PRELID2: variants seen among roughly 807,000 people sequenced by gnomAD.
PRELID2 encodes the protein PRELI domain containing 2, also known as PRELI domain-containing protein 2.
PRELID2 carries 25 observed loss-of-function variants against 28.4 expected under a neutral mutation model. That is an observed-to-expected ratio of 0.88 (90% CI 0.64 to 1.23). The LOEUF (loss-of-function observed/expected upper bound fraction) is 1.23. Ranked by LOEUF, PRELID2 falls within the 50% of genes most tolerant of loss-of-function variation. The pLI, the probability that PRELID2 is intolerant of heterozygous loss-of-function variation, is 0.00. For synonymous variants in PRELID2, 76 were observed against 71.6 expected, an observed-to-expected ratio of 1.06 and a Z score of -0.31; for missense variants, 201 against 214.4, an observed-to-expected ratio of 0.94 and a Z score of 0.39.
the PRELID2 span, among the ~76,000 whole-genome samples, chr5:145,319,034 G>A: frequency 0.22 from 34,048 of 152,072 alleles, 3,931 homozygotes; most frequent in Middle Eastern, 0.3. Context: ...TCAACATTCA[G>A]ACATTCCTTC....
chr5:145,671,621 A>T (rs1034491191), intron 1 of PRELID2, among the ~76,000 whole-genome samples: 1 of 152,176 alleles, frequency 6.6e-6, no homozygotes. Flanking sequence ...ATGGCATATA[A>T]ACAATTCACC....
At chr5:145,489,547 A>G (rs1388686688) in intron 1 of PRELID2, among the ~76,000 whole-genome samples, 1 of 152,200 alleles carries the variant, frequency 6.6e-6, no homozygotes, top group Non-Finnish European at 1.5e-5. Flanking sequence ...AGTACCTGGT[A>G]GAAACGAAAT....
the PRELID2 span, among the ~76,000 whole-genome samples, chr5:145,352,358 A>C: frequency 6.6e-6 from 1 of 152,214 alleles, no homozygotes; most frequent in Non-Finnish European, 1.5e-5. Context: ...CACAACATGT[A>C]AGCCACAAAG....
chr5:145,741,494 A>G (rs1441090914), intron 1 of PRELID2, among the ~76,000 whole-genome samples: 3 of 123,282 alleles, frequency 2.4e-5, no homozygotes, highest in Non-Finnish European at 4.7e-5. Flanking sequence ...TAAATAAATT[A>G]TATATAAAAT....
intron 1 of PRELID2, among the ~76,000 whole-genome samples, chr5:145,715,703 T>C (rs1035468581): frequency 2.0e-5 from 3 of 152,206 alleles, no homozygotes; most frequent in Admixed American, 2.0e-4. Context: ...GGCTTCCACC[T>C]TAAAGCCTTT....
At chr5:145,678,778 G>A (rs1222689205) in intron 1 of PRELID2, among the ~76,000 whole-genome samples, 4 of 152,132 alleles carry the variant, frequency 2.6e-5, no homozygotes, top group African/African-American at 7.2e-5. Context: ...GGGTCGAGGA[G>A]GAGTAATAAT....
intron 1 of PRELID2, among the ~76,000 whole-genome samples, chr5:145,645,540 G>T (rs572763054): frequency 7.2e-5 from 11 of 151,902 alleles, no homozygotes; most frequent in African/African-American, 2.2e-4. Context: ...TACATTTAAG[G>T]TTAACATTGT....
intron 1 of PRELID2, among the ~76,000 whole-genome samples, chr5:145,487,568 T>C (rs377316186): frequency 2.0e-5 from 3 of 152,160 alleles, no homozygotes; most frequent in East Asian, 1.9e-4. Context: ...CCAGGACAGC[T>C]GATCTCAGAT....
chr5:145,275,554 C>A, the PRELID2 span, among the ~76,000 whole-genome samples: 1 of 151,978 alleles, frequency 6.6e-6, no homozygotes, highest in South Asian at 2.1e-4. Flanking sequence ...TTGCATGAAG[C>A]CGGTAGGACT....
the PRELID2 span, among the ~76,000 whole-genome samples, chr5:145,437,696 C>T: frequency 1.3e-5 from 2 of 152,214 alleles, no homozygotes; most frequent in Non-Finnish European, 2.9e-5. Flanking sequence ...AGGCCTGATG[C>T]TCTCTGGAGT....
chr5:145,340,797 A>ATATATATATC, the PRELID2 span, among the ~76,000 whole-genome samples: 3 of 131,430 alleles, frequency 2.3e-5, no homozygotes, highest in Non-Finnish European at 4.8e-5. Flanking sequence ...ATATATATAT[A>ATATATATATC]TATCCTCCCT....
Position 145,644,298 on chromosome 5 carries a change from G to A in PRELID2, n.70+120633C>T, listed in dbSNP as rs142927322. On this transcript the variant is annotated intron_variant and non_coding_transcript_variant, in intron 1 of 2. Transcript: ENST00000510259. ...CTTCTAGATTTTCCAGTTTATTGGC[G>A]TAGAGGTATTTATAGTATTCTCCGA... 3.5e-4 allele frequency among the ~76,000 whole-genome samples: 53 copies of A among 152,202 alleles called. No individual in the cohort carries two copies. The East Asian group carries it at 6.2e-3, about 18-fold the overall frequency.
Position 145,818,015 on chromosome 5 carries a change from C to T in PRELID2, c.247G>A (p.Glu83Lys), listed in dbSNP as rs1431694866. 1.2e-6 allele frequency: 2 copies of T among 1,612,830 alleles called. No individual in the cohort carries two copies. Among genetic ancestry groups the T allele is most frequent in the South Asian group, 1.1e-5 (1 of 91,028 alleles). The stretch of plus-strand genomic sequence containing the variant: ...CTTTCCCGAGGATTGAGCCATGACT[C>T]CTCTTCTAATTGGATATTAGGTACT... ...LKVPNIQLEE[E>K]SWLNPRERNM... Residue 83 changes from glutamate (E) to lysine (K), a missense_variant, in exon 4 of 7, where the codon GAG becomes AAG. Glu to Lys is a moderately conservative substitution (Grantham distance 56). Transcript: ENST00000683046.
chr5:145,635,314 T>C (rs1753986092), intron 1 of PRELID2, among the ~76,000 whole-genome samples: 1 of 152,076 alleles, frequency 6.6e-6, no homozygotes, highest in African/African-American at 2.4e-5. Context: ...TCTTAATAAA[T>C]ATTTATAGTA....
intron 5 of PRELID2, among the ~76,000 whole-genome samples, chr5:145,773,738 G>T (rs1023119629): frequency 6.6e-6 from 1 of 152,142 alleles, no homozygotes. Context: ...CCCTTTATCA[G>T]CCATTTTTTC....
At chr5:145,557,270 G>A (rs1027446414) in intron 1 of PRELID2, among the ~76,000 whole-genome samples, 2 of 152,224 alleles carry the variant, frequency 1.3e-5, no homozygotes, top group Admixed American at 6.5e-5. Flanking sequence ...GATGAGGAAA[G>A]TAGAAGATGG....
At chr5:145,373,978 A>T in the PRELID2 span, among the ~76,000 whole-genome samples, 1 of 145,310 alleles carries the variant, frequency 6.9e-6, no homozygotes, top group Admixed American at 7.1e-5. Flanking sequence ...AATATATATT[A>T]TATTAATAAA....
chr5:145,395,735 C>CA, the PRELID2 span, among the ~76,000 whole-genome samples: 1,844 of 150,880 alleles, frequency 0.012, 30 homozygotes, highest in African/African-American at 0.041. Flanking sequence ...TGGAAAACCA[C>CA]AAAAAAAACA....
chr5:145,555,985 C>T (rs1006002203), intron 1 of PRELID2, among the ~76,000 whole-genome samples: 2 of 151,868 alleles, frequency 1.3e-5, no homozygotes, highest in African/African-American at 4.8e-5. Flanking sequence ...CGAGACTAGC[C>T]TGGGCAACAC....
Sources: gnomAD v4.1 joint callset for allele counts (sites outside exome capture counted in the v4.1 genomes callset) on GRCh38, gnomAD v4.1.1 for gene constraint, MANE v1.5 for transcripts, NCBI Gene and HGNC (gene_info 2026-07-23, HGNC 2026-07-21) for gene names.